GPC5: variants seen among roughly 807,000 people sequenced by gnomAD.
The protein encoded by GPC5 is glypican 5.
Under a neutral mutation model 53.9 loss-of-function variants are expected in GPC5, and 47 were observed. That is an observed-to-expected ratio of 0.87 (90% CI 0.69 to 1.11). The LOEUF is 1.11. Among genes scored for constraint, GPC5 ranks in the 50% most tolerant of loss-of-function variants. GPC5 has a pLI of 0.00. For synonymous variants in GPC5, 286 were observed against 263.3 expected (o/e 1.09, Z -0.84); for missense variants, 748 against 713.1 (o/e 1.05, Z -0.56).
intron 6 of GPC5, among the ~76,000 whole-genome samples, chr13:92,046,946 A>G (rs1053006915): frequency 6.6e-6 from 1 of 152,180 alleles, no homozygotes; most frequent in Admixed American, 6.5e-5. Context: ...AATATTTACA[A>G]GTAATATTCA....
intron 5 of GPC5, among the ~76,000 whole-genome samples, chr13:91,810,768 T>C (rs544192559): frequency 2.0e-5 from 3 of 152,062 alleles, no homozygotes; most frequent in Admixed American, 2.0e-4. Flanking sequence ...ATATAAACTT[T>C]TCCATATGTC....
chr13:91,585,078 T>C (rs1283966138), intron 2 of GPC5, among the ~76,000 whole-genome samples: 1 of 152,180 alleles, frequency 6.6e-6, no homozygotes, highest in Non-Finnish European at 1.5e-5. Flanking sequence ...TCCAGATGAC[T>C]AATAAACATA....
At chr13:92,431,694 C>T (rs2139374650) in intron 7 of GPC5, among the ~76,000 whole-genome samples, 1 of 152,102 alleles carries the variant, frequency 6.6e-6, no homozygotes, top group East Asian at 1.9e-4. Flanking sequence ...GAATAACATG[C>T]TAACATGATA....
intron 6 of GPC5, among the ~76,000 whole-genome samples, chr13:92,096,315 T>C (rs556048239): frequency 3.9e-5 from 6 of 152,244 alleles, no homozygotes; most frequent in Non-Finnish European, 7.3e-5. Flanking sequence ...AATATTCAGA[T>C]TTGTTTATTC....
chr13:92,019,796 C>T (rs916989447), intron 6 of GPC5, among the ~76,000 whole-genome samples: 4 of 152,124 alleles, frequency 2.6e-5, no homozygotes, highest in Middle Eastern at 3.4e-3. Context: ...TGTACTTTTT[C>T]ATTTTCTTTT....
At chr13:91,556,483 C>A (rs2030953503) in intron 2 of GPC5, among the ~76,000 whole-genome samples, 1 of 151,180 alleles carries the variant, frequency 6.6e-6, no homozygotes, top group Non-Finnish European at 1.5e-5. Context: ...AGCCCAAATG[C>A]CCATCAATCA....
At chr13:92,825,825 A>G (rs1877827665) in intron 7 of GPC5, among the ~76,000 whole-genome samples, 1 of 152,158 alleles carries the variant, frequency 6.6e-6, no homozygotes, top group Non-Finnish European at 1.5e-5. Flanking sequence ...ATTATGCTAT[A>G]GATTGCATTC....
At chr13:92,126,021 C>T (rs1340326806) in intron 6 of GPC5, among the ~76,000 whole-genome samples, 2 of 134,642 alleles carry the variant, frequency 1.5e-5, no homozygotes, top group East Asian at 5.0e-4. Context: ...GTGGCACAAT[C>T]TTAGCTCACT....
chr13:92,154,443 A>G (rs1010161623), intron 7 of GPC5, among the ~76,000 whole-genome samples: 11 of 152,220 alleles, frequency 7.2e-5, no homozygotes, highest in African/African-American at 2.4e-4. Flanking sequence ...GACCTCAGGA[A>G]GGGAAGGATA....
At chr13:92,590,088 C>G (rs1286652407) in intron 7 of GPC5, among the ~76,000 whole-genome samples, 1 of 152,152 alleles carries the variant, frequency 6.6e-6, no homozygotes, top group Non-Finnish European at 1.5e-5. Context: ...GATCCAGCTC[C>G]TTGCAATACT....
chr13:91,534,115 C>T (rs897675915), intron 2 of GPC5, among the ~76,000 whole-genome samples: 3 of 152,048 alleles, frequency 2.0e-5, no homozygotes, highest in East Asian at 3.8e-4. Context: ...TATTGCTCAC[C>T]TAAGGTTCGG....
intron 2 of GPC5, among the ~76,000 whole-genome samples, chr13:91,513,033 C>T (rs1885313584): frequency 6.6e-6 from 1 of 152,194 alleles, no homozygotes; most frequent in Non-Finnish European, 1.5e-5. Flanking sequence ...CTCCAGGGTA[C>T]ATATGCAGGT....
chr13:91,780,588 G>T (rs1218405548), intron 5 of GPC5, among the ~76,000 whole-genome samples: 1 of 152,072 alleles, frequency 6.6e-6, no homozygotes, highest in Admixed American at 6.5e-5. Flanking sequence ...CCAACAGATT[G>T]TTTGGAAACT....
intron 7 of GPC5, among the ~76,000 whole-genome samples, chr13:92,188,282 A>T (rs2042198609): frequency 6.6e-6 from 1 of 152,212 alleles, no homozygotes; most frequent in Non-Finnish European, 1.5e-5. Context: ...GAGACAGTGA[A>T]AAGACTTATT....
At chr13:91,879,081 A>G (rs2039236513) in intron 5 of GPC5, among the ~76,000 whole-genome samples, 1 of 152,036 alleles carries the variant, frequency 6.6e-6, no homozygotes, top group African/African-American at 2.4e-5. Context: ...CTTATAACTG[A>G]AGTATTAGTT....
chr13:92,572,581 A>G (rs1283447153), intron 7 of GPC5, among the ~76,000 whole-genome samples: 2 of 152,226 alleles, frequency 1.3e-5, no homozygotes, highest in African/African-American at 4.8e-5. Flanking sequence ...TTTTTAAAAT[A>G]AAATGACATT....
chr13:92,810,272 A>G (rs562883662), intron 7 of GPC5, among the ~76,000 whole-genome samples: 1 of 151,578 alleles, frequency 6.6e-6, no homozygotes, highest in Non-Finnish European at 1.5e-5. Flanking sequence ...TTAGAAAAGA[A>G]TTAGTCCCGT....
At chr13:92,135,288 A>G (rs755530569) in intron 6 of GPC5, among the ~76,000 whole-genome samples, 38 of 152,224 alleles carry the variant, frequency 2.5e-4, no homozygotes, top group Non-Finnish European at 4.1e-4. Flanking sequence ...CACAAGAGCC[A>G]TTTCAGAATT....
chr13:92,260,987 A>T (rs887550527), intron 7 of GPC5, among the ~76,000 whole-genome samples: 13 of 152,154 alleles, frequency 8.5e-5, no homozygotes, highest in Admixed American at 8.5e-4. Flanking sequence ...AATGAGTATT[A>T]CTGGGAATTA....
Sources: allele counts gnomAD v4.1 joint callset (sites outside exome capture counted in the v4.1 genomes callset), GRCh38; gene constraint gnomAD v4.1.1; transcripts MANE v1.5; gene names NCBI Gene and HGNC (gene_info 2026-07-23, HGNC 2026-07-21).